NEDD4: variants seen among roughly 807,000 people sequenced by gnomAD.
NEDD4 encodes the protein E3 ubiquitin-protein ligase NEDD4.
Under a neutral mutation model 144.9 loss-of-function variants are expected in NEDD4, and 99 were observed. The observed-to-expected ratio is 0.68, with a 90% CI of 0.58 to 0.81. The LOEUF (loss-of-function observed/expected upper bound fraction) is 0.81. Among genes scored for constraint, NEDD4 ranks in the 30% least tolerant of loss-of-function variants. The pLI is 0.00. For synonymous variants in NEDD4, 318 were observed against 350.6 expected, an observed-to-expected ratio of 0.91 and a Z score of 1.04; for missense variants, 985 against 1,065.9, an observed-to-expected ratio of 0.92 and a Z score of 1.06.
intron 2 of NEDD4, among the ~76,000 whole-genome samples, chr15:55,953,790 G>A (rs189624852): frequency 1.3e-5 from 2 of 152,178 alleles, no homozygotes; most frequent in Non-Finnish European, 2.9e-5. Flanking sequence ...GCACGATCTC[G>A]GCTCACTGCA....
intron 18 of NEDD4, among the ~76,000 whole-genome samples, chr15:55,843,721 T>C (rs766515384): frequency 6.6e-5 from 10 of 152,104 alleles, no homozygotes; most frequent in Non-Finnish European, 1.2e-4. Context: ...AATATAAGCA[T>C]GATATGAGCA....
intron 2 of NEDD4, among the ~76,000 whole-genome samples, chr15:55,951,876 G>A (rs918069666): frequency 3.0e-4 from 46 of 152,080 alleles, no homozygotes; most frequent in African/African-American, 1.1e-3. Flanking sequence ...AATTTTGTTT[G>A]ATTTTTATTA....
intron 1 of NEDD4, among the ~76,000 whole-genome samples, chr15:55,976,802 T>C (rs1376545474): frequency 6.6e-6 from 1 of 151,918 alleles, no homozygotes; most frequent in Non-Finnish European, 1.5e-5. Flanking sequence ...CTAATTTTTT[T>C]TTTTGTATTT....
At chr15:55,857,395 C>T (rs531639782) in intron 11 of NEDD4, among the ~76,000 whole-genome samples, 9 of 152,234 alleles carry the variant, frequency 5.9e-5, no homozygotes, top group East Asian at 1.9e-4. Context: ...GTGGTGCGAT[C>T]TTGTCTCACT....
At chr15:55,953,100 C>T (rs1329216632) in intron 2 of NEDD4, among the ~76,000 whole-genome samples, 3 of 151,776 alleles carry the variant, frequency 2.0e-5, no homozygotes, top group Admixed American at 1.3e-4. Flanking sequence ...TGCCATTCTC[C>T]TGCCTAAGCC....
chr15:55,839,316 C>G (rs574534049), intron 21 of NEDD4, among the ~76,000 whole-genome samples: 31 of 152,102 alleles, frequency 2.0e-4, no homozygotes, highest in South Asian at 4.2e-4. Flanking sequence ...GTTGCACACC[C>G]CTGTGTCCGG....
intron 8 of NEDD4, among the ~76,000 whole-genome samples, chr15:55,868,008 A>G (rs2034643618): frequency 6.7e-6 from 1 of 149,842 alleles, no homozygotes; most frequent in Admixed American, 6.7e-5. Context: ...GCGAGCTGAG[A>G]TTGCACCACT....
At position 55,848,035 on chromosome 15, in the gene NEDD4, C is replaced by T. The variant is rs371201299; in HGVS notation, c.1542+337G>A. Among the ~76,000 whole-genome samples, 4 of 152,230 alleles carry T rather than the reference C, an allele frequency of 2.6e-5. No individual in the cohort carries two copies. In the South Asian group the frequency reaches 6.2e-4, roughly 24 times the overall value. ...GATAGGGTGCTGCTGCTTCCTCATC[C>T]GCATACACTCTCTGCTCCTCTCTGA... On this transcript the variant is annotated intron_variant, in intron 17 of 28. Transcript: ENST00000435532.
intron 5 of NEDD4, among the ~76,000 whole-genome samples, chr15:55,876,886 A>G (rs1480531541): frequency 1.5e-5 from 2 of 134,674 alleles, no homozygotes; most frequent in Admixed American, 7.7e-5. Context: ...CTTTTTTTTT[A>G]AAGAGATGGA....
At position 55,946,937 on chromosome 15, in the gene NEDD4, C is replaced by T. The variant is rs371736636; in HGVS notation, c.237+4439G>A. The stretch of plus-strand genomic sequence containing the variant: ...GTACATAACGAAATGAAGGCAGAAA[C>T]AAAGATGTTCTTTGAAACCAATGAG... On this transcript the variant is annotated intron_variant, in intron 4 of 28. Coordinates refer to ENST00000435532, the MANE Select transcript of NEDD4 (RefSeq NM_006154.4). Among the ~76,000 whole-genome samples the T allele has an allele frequency of 3.9e-5, 6 of 152,050 alleles. No individual in the cohort carries two copies. The South Asian group carries it at 6.2e-4, about 16-fold the overall frequency.
At chr15:55,929,221 T>C (rs2036734217) in intron 4 of NEDD4, among the ~76,000 whole-genome samples, 1 of 152,200 alleles carries the variant, frequency 6.6e-6, no homozygotes, top group African/African-American at 2.4e-5. Flanking sequence ...ATGGTACATG[T>C]ACACACATGC....
intron 8 of NEDD4, 49 bp from the exon 9 acceptor site, chr15:55,863,128 T>A (rs1165035399): frequency 6.9e-7 from 1 of 1,443,394 alleles, no homozygotes; most frequent in South Asian, 1.5e-5. Flanking sequence ...TTTTTTTAAC[T>A]TTCTAAATTA....
At chr15:55,872,585 GA>G (rs1388955526) in intron 6 of NEDD4, 109 bp from the exon 7 acceptor site, 9 of 395,092 alleles carry the variant, frequency 2.3e-5, no homozygotes, top group Admixed American at 4.7e-5. Context: ...TTGGAAGTGA[GA>G]AAAAAAAGTA....
chr15:55,873,900 GTATT>G (rs2034896773), intron 6 of NEDD4, 54 bp downstream of exon 6: 1 of 805,582 alleles, frequency 1.2e-6, no homozygotes, highest in South Asian at 2.2e-5. Context: ...ATATATGTAA[GTATT>G]TATTAAATTA....
chr15:55,827,961 C>G lies in NEDD4; in HGVS notation c.*1936G>C, dbSNP rs1288627537. 2 of 152,182 alleles carry G rather than the reference C, an allele frequency of 1.3e-5. No homozygotes were observed. The highest frequency in any genetic ancestry group is 4.8e-5 in the African/African-American group (2 of 41,444). The allele number at this position is 152,182 out of a possible 1,614,324, so 9.4% of individuals were successfully genotyped here. ...ATGACAATGAGGGTGGGCATGATTA[C>G]TCTCATTTGACAGATGAAGAAATAT... On this transcript the variant is annotated 3_prime_UTR_variant, in exon 29 of 29. Transcript: ENST00000435532.
intron 5 of NEDD4, 193 bp downstream of exon 5, chr15:55,924,453 G>T: frequency 1.8e-6 from 1 of 558,482 alleles, no homozygotes; most frequent in Non-Finnish European, 3.2e-6. Flanking sequence ...AGGTGCTTGG[G>T]AGGAGAATGG....
Position 55,944,704 on chromosome 15 carries a change from G to A in NEDD4, c.237+6672C>T, listed in dbSNP as rs992552382. Reference sequence around the variant, plus strand: ...CACCTCAAGTGGGTCCCTGACCCCCGTGTAGCCTAACTGGGAGACACTTCC... The same window carrying A: ...CACCTCAAGTGGGTCCCTGACCCCCATGTAGCCTAACTGGGAGACACTTCC... On this transcript the variant is annotated intron_variant, in intron 4 of 28. Transcript: ENST00000435532. Among the ~76,000 whole-genome samples the A allele has an allele frequency of 5.3e-5, 8 of 152,204 alleles. No individual in the cohort carries two copies. In the East Asian group the frequency reaches 5.8e-4, roughly 11 times the overall value.
chr15:55,975,638 AAC>A (rs2037686365), intron 1 of NEDD4, among the ~76,000 whole-genome samples: 1 of 152,150 alleles, frequency 6.6e-6, no homozygotes, highest in Non-Finnish European at 1.5e-5. Flanking sequence ...CCAAAAAAAA[AAC>A]AAAAGGGAAA....
At chr15:55,920,206 T>C (rs1168626797) in intron 5 of NEDD4, among the ~76,000 whole-genome samples, 3 of 151,040 alleles carry the variant, frequency 2.0e-5, no homozygotes, top group Non-Finnish European at 4.4e-5. Flanking sequence ...TATTCATATA[T>C]TATACATAAT....
Sources: gnomAD v4.1 joint callset for allele counts (sites outside exome capture counted in the v4.1 genomes callset) on GRCh38, gnomAD v4.1.1 for gene constraint, MANE v1.5 for transcripts, NCBI Gene and HGNC (gene_info 2026-07-23, HGNC 2026-07-21) for gene names.